The following RNF150 variants were observed in gnomAD, a reference collection of about 807,000 sequenced individuals.
The protein encoded by RNF150 is ring finger protein 150.
Under a neutral mutation model 39.3 loss-of-function variants are expected in RNF150, and 24 were observed. The ratio of observed to expected loss-of-function variants is 0.61; its 90% confidence interval spans 0.44 to 0.86. RNF150 has a LOEUF of 0.86. RNF150 is among the 40% of genes least tolerant of loss of function. RNF150 has a pLI of 0.00. For missense variants in RNF150, 502 were observed against 587.8 expected, an observed-to-expected ratio of 0.85 and a Z score of 1.51; for synonymous variants, 255 against 227.3, an observed-to-expected ratio of 1.12 and a Z score of -1.10.
intron 1 of RNF150, among the ~76,000 whole-genome samples, chr4:141,187,906 T>G (rs527295969): frequency 6.6e-6 from 1 of 152,354 alleles, no homozygotes; most frequent in South Asian, 2.1e-4. Context: ...TAGCTGGTTT[T>G]TTTGCATATT....
At position 141,132,639 on chromosome 4, in the gene RNF150, G is replaced by T. The variant is rs1003190589; in HGVS notation, c.170C>A (p.Ala57Asp). Residue 57 changes from alanine to aspartate, a missense_variant, in exon 1 of 7, where the codon GCC becomes GAC. Transcript: ENST00000515673. The surrounding 1 kb of genome is among the most constrained non-coding windows in gnomAD (Gnocchi z 4.9). ...TYAEPAPDPG[A>D]GAAGGGGAEL... is the part of the protein sequence containing the mutation. Reference sequence around the variant, plus strand: ...CGCGCCGCCGCCGCCCGCCGCCCCGGCCCCGGGGTCCGGCGCGGGCTCGGC... The same window carrying T: ...CGCGCCGCCGCCGCCCGCCGCCCCGTCCCCGGGGTCCGGCGCGGGCTCGGC... 2.5e-6 allele frequency: 4 copies of T among 1,594,200 alleles called. No individual in the cohort carries two copies. Among genetic ancestry groups the T allele is most frequent in the Non-Finnish European group, 2.6e-6 (3 of 1,171,544 alleles).
Position 140,947,668 on chromosome 4 carries a change from C to A in RNF150, c.876G>T (p.Arg292=). 1 of 1,610,980 alleles carries A rather than the reference C, an allele frequency of 6.2e-7. No individual in the cohort carries two copies. The highest frequency in any genetic ancestry group is 8.5e-7 in the Non-Finnish European group (1 of 1,178,660). Residue 292 remains arginine, a synonymous_variant, in exon 4 of 7, where the codon CGG becomes CGT. Coordinates refer to ENST00000515673, the MANE Select transcript of RNF150 (RefSeq NM_020724.2). The part of the protein sequence containing the change: ...IEGYKPNDVV[R]ILPCRHLFHK... Reference sequence around the variant, plus strand: ...TAGTGACTCACCGGCAGGGCAGGATCCGGACAACGTCATTGGGCTTGTACC... The same window carrying A: ...TAGTGACTCACCGGCAGGGCAGGATACGGACAACGTCATTGGGCTTGTACC...
At chr4:141,157,223 CA>C (rs35279607) in intron 1 of RNF150, among the ~76,000 whole-genome samples, 1 of 152,192 alleles carries the variant, frequency 6.6e-6, no homozygotes, top group Non-Finnish European at 1.5e-5. Flanking sequence ...TCTCCCCCCC[CA>C]AAAATGTAGG....
Position 140,866,581 on chromosome 4 carries a change from G to A in RNF150, c.*1680C>T, listed in dbSNP as rs3796699. 0.32 allele frequency: 48,388 copies of A among 152,132 alleles called. 8,319 individuals are homozygous for A. Among genetic ancestry groups the A allele is most frequent in the South Asian group, 0.4 (1,928 of 4,820 alleles). 9.4% of individuals were successfully genotyped at this position (152,132 alleles called of 1,614,324 possible). A position where few individuals can be genotyped will look rare whatever the true frequency, so the allele number is the denominator to read the frequency against. ...GGAAATTGGTAAAGGTGGTGAAAAAGGAGCAGCTAGTATTCTCCGTTGACC... is the reference window on the plus strand; with the variant it reads ...GGAAATTGGTAAAGGTGGTGAAAAAAGAGCAGCTAGTATTCTCCGTTGACC... On this transcript the variant is annotated 3_prime_UTR_variant, in exon 7 of 7. Coordinates refer to ENST00000515673, the MANE Select transcript of RNF150 (RefSeq NM_020724.2).
chr4:140,879,675 A>T (rs1193252756), intron 6 of RNF150, among the ~76,000 whole-genome samples: 3 of 151,984 alleles, frequency 2.0e-5, no homozygotes, highest in Admixed American at 6.6e-5. Flanking sequence ...AAAAAAAACT[A>T]GCCTGGCATG....
intron 1 of RNF150, among the ~76,000 whole-genome samples, chr4:141,094,947 A>G (rs1560735754): frequency 6.6e-6 from 1 of 152,264 alleles, no homozygotes; most frequent in Middle Eastern, 3.2e-3. Flanking sequence ...GCTTCTGCAT[A>G]TGATTTGGAA....
chr4:141,113,508 G>A (rs1309224397), intron 1 of RNF150, among the ~76,000 whole-genome samples: 2 of 152,112 alleles, frequency 1.3e-5, no homozygotes, highest in Non-Finnish European at 2.9e-5. Context: ...GGAACACCCA[G>A]ATTCATAAAG....
intron 1 of RNF150, among the ~76,000 whole-genome samples, chr4:141,186,071 T>C (rs1481933674): frequency 6.6e-6 from 1 of 152,216 alleles, no homozygotes; most frequent in Non-Finnish European, 1.5e-5. Flanking sequence ...GGAATCCCTC[T>C]TTTTCTATTG....
At chr4:141,129,207 C>T (rs754331860) in intron 1 of RNF150, among the ~76,000 whole-genome samples, 20 of 152,086 alleles carry the variant, frequency 1.3e-4, no homozygotes, top group Non-Finnish European at 1.9e-4. Flanking sequence ...GTAGAAACAA[C>T]GTAATTTTCC....
At chr4:140,908,684 C>T (rs1475781779) in intron 6 of RNF150, among the ~76,000 whole-genome samples, 3 of 152,104 alleles carry the variant, frequency 2.0e-5, no homozygotes, top group African/African-American at 4.8e-5. Context: ...TATGCAAAAA[C>T]AGTTTAGGGA....
chr4:141,113,246 G>A (rs950163100), intron 1 of RNF150, among the ~76,000 whole-genome samples: 2 of 151,128 alleles, frequency 1.3e-5, no homozygotes, highest in Non-Finnish European at 2.9e-5. Context: ...AAGACCCATC[G>A]GTGTGCTGTA....
At chr4:141,197,066 AT>A (rs200675688) in intron 1 of RNF150, among the ~76,000 whole-genome samples, 6 of 150,830 alleles carry the variant, frequency 4.0e-5, no homozygotes, top group South Asian at 2.1e-4. Context: ...TGTTTTAACA[AT>A]TTTTTTTTTA....
At chr4:140,968,981 A>G (rs1733356084) in intron 1 of RNF150, among the ~76,000 whole-genome samples, 1 of 152,084 alleles carries the variant, frequency 6.6e-6, no homozygotes, top group South Asian at 2.1e-4. Flanking sequence ...CCCATTACCT[A>G]GAGTGACTAC....
chr4:141,130,326 G>A (rs1365307731), intron 1 of RNF150, among the ~76,000 whole-genome samples: 1 of 152,120 alleles, frequency 6.6e-6, no homozygotes, highest in African/African-American at 2.4e-5. Flanking sequence ...CAAAATGTCA[G>A]AAGATAATAT....
At chr4:141,084,544 TC>T (rs1738279166) in intron 1 of RNF150, among the ~76,000 whole-genome samples, 1 of 152,116 alleles carries the variant, frequency 6.6e-6, no homozygotes, top group African/African-American at 2.4e-5. Flanking sequence ...AACACTTTTT[TC>T]CCCCAGCAAG....
At chr4:140,911,816 C>G (rs1399010798) in intron 5 of RNF150, among the ~76,000 whole-genome samples, 1 of 152,102 alleles carries the variant, frequency 6.6e-6, no homozygotes, top group Non-Finnish European at 1.5e-5. Flanking sequence ...AGGATAGAAT[C>G]TGAGTCATTA....
In RNF150 at chr4:140,947,700, T is replaced by C; in HGVS notation, c.844A>G (p.Ile282Val). 6.2e-7 allele frequency: 1 copy of C among 1,604,968 alleles called. No homozygotes were observed. The highest frequency in any genetic ancestry group is 8.5e-7 in the Non-Finnish European group (1 of 1,176,780). ...ESDFDNCAVC[I>V]EGYKPNDVVR... The stretch of plus-strand genomic sequence containing the variant: ...ACGTCATTGGGCTTGTACCCTTCAA[T>C]ACAAACTGCACAGTTGTCAAAATCA... The change falls in exon 4 of 7, where the codon ATT becomes GTT. Residue 282 changes from isoleucine (I) to valine (V), a missense_variant. Transcript: ENST00000515673.
At chr4:140,873,850 A>AT (rs1729045938) in intron 6 of RNF150, among the ~76,000 whole-genome samples, 1 of 151,858 alleles carries the variant, frequency 6.6e-6, no homozygotes, top group South Asian at 2.1e-4. Flanking sequence ...TAATTTTTGC[A>AT]TTTTTTGTAG....
chr4:141,089,256 T>C (rs1389086188), intron 1 of RNF150, among the ~76,000 whole-genome samples: 1 of 127,308 alleles, frequency 7.9e-6, no homozygotes, highest in Non-Finnish European at 1.6e-5. Flanking sequence ...TAGGAATACG[T>C]CAAATCAAGA....
Sources: gnomAD v4.1 joint callset for allele counts (sites outside exome capture counted in the v4.1 genomes callset) on GRCh38, gnomAD v4.1.1 for gene constraint, Gnocchi (gnomAD v3.1) non-coding constraint, MANE v1.5 for transcripts, NCBI Gene and HGNC (gene_info 2026-07-23, HGNC 2026-07-21) for gene names.